NUP160: variants seen among roughly 807,000 people sequenced by gnomAD.
NUP160 encodes nuclear pore complex protein Nup160.
Under a neutral mutation model 196.9 loss-of-function variants are expected in NUP160, and 94 were observed. The ratio of observed to expected loss-of-function variants is 0.48; its 90% confidence interval spans 0.40 to 0.57. The LOEUF (loss-of-function observed/expected upper bound fraction) is 0.57. NUP160 is among the 20% of genes least tolerant of loss of function. The pLI, the probability that NUP160 is intolerant of heterozygous loss-of-function variation, is 0.00. For missense variants in NUP160, 1,638 were observed against 1,748.3 expected (o/e 0.94, Z 1.13); for synonymous variants, 605 against 619.7 (o/e 0.98, Z 0.35).
chr11:47,778,992 T>G, exon 36 of NUP160: 1 of 744,280 alleles, frequency 1.3e-6, no homozygotes, highest in Non-Finnish European at 2.4e-6. Context: ...GACTTGAATG[T>G]TGTACACATC....
chr11:47,798,595 T>C (rs2097672276), intron 23 of NUP160, 132 bp from the exon 24 acceptor site: 2 of 608,506 alleles, frequency 3.3e-6, no homozygotes, highest in Non-Finnish European at 5.9e-6. Flanking sequence ...CCCAGTACTC[T>C]GGGAGGCTGA....
At chr11:47,842,572 A>C (rs1263963321) in intron 2 of NUP160, among the ~76,000 whole-genome samples, 1 of 152,020 alleles carries the variant, frequency 6.6e-6, no homozygotes, top group Non-Finnish European at 1.5e-5. Flanking sequence ...CTGCTACCCG[A>C]ATCACTCAGC....
chr11:47,800,538 G>A lies in NUP160; in HGVS notation c.2895+1273C>T, dbSNP rs781245833. On this transcript the variant is annotated intron_variant, in intron 23 of 35. Transcript: ENST00000378460. ...CTCCTAAGTAGCTGGGATTACAGGC[G>A]CACACCACCACGCCCGGCTAATTTT... Among the ~76,000 whole-genome samples the A allele has an allele frequency of 3.3e-5, 5 of 151,818 alleles. No homozygotes were observed. In the South Asian group the frequency reaches 1.0e-3, roughly 32 times the overall value.
chr11:47,837,581 T>C, exon 5 of NUP160: 1 of 1,614,184 alleles, frequency 6.2e-7, no homozygotes, highest in Non-Finnish European at 8.5e-7. Flanking sequence ...AAGCAATCGT[T>C]GCATTACTGA....
chr11:47,782,365 T>G (rs2097661914), intron 34 of NUP160, among the ~76,000 whole-genome samples: 4 of 131,696 alleles, frequency 3.0e-5, no homozygotes, highest in East Asian at 2.3e-4. Context: ...TATGCGCCTA[T>G]ACCGATGTTC....
At chr11:47,833,628 C>A (rs573321071) in intron 7 of NUP160, among the ~76,000 whole-genome samples, 1 of 152,250 alleles carries the variant, frequency 6.6e-6, no homozygotes, top group South Asian at 2.1e-4. Flanking sequence ...TGAGTGATCA[C>A]CAATGATAAT....
At chr11:47,847,086 G>T (rs906155066) in intron 2 of NUP160, among the ~76,000 whole-genome samples, 1 of 152,074 alleles carries the variant, frequency 6.6e-6, no homozygotes, top group South Asian at 2.1e-4. Context: ...TACCTCTCCA[G>T]CCTCAGTATC....
intron 7 of NUP160, among the ~76,000 whole-genome samples, chr11:47,834,605 G>A (rs529612511): frequency 6.6e-6 from 1 of 152,132 alleles, no homozygotes; most frequent in South Asian, 2.1e-4. Flanking sequence ...CTGGCCAGAA[G>A]GTAAGGGTCG....
At chr11:47,785,103 T>TTTTTTTTTTTTTTTTGAGACTCCGTCTCA in intron 32 of NUP160, 40 bp from the exon 33 acceptor site, 1 of 1,086,548 alleles carries the variant, frequency 9.2e-7, no homozygotes, top group Non-Finnish European at 1.3e-6. Context: ...TTCAGATTCT[T>TTTTTTTTTTTTTTTTGAGACTCCGTCTCA]AATAGCTATT....
intron 32 of NUP160, 48 bp from the exon 33 acceptor site, chr11:47,785,111 AT>A: frequency 1.8e-6 from 1 of 570,934 alleles, no homozygotes; most frequent in Non-Finnish European, 2.6e-6. Context: ...CTTAATAGCT[AT>A]TTAGAGTACC....
intron 7 of NUP160, among the ~76,000 whole-genome samples, chr11:47,823,680 G>A (rs1159710868): frequency 6.6e-6 from 1 of 151,846 alleles, no homozygotes; most frequent in Admixed American, 6.6e-5. Context: ...GACTACAGGC[G>A]CCTGTCACCA....
chr11:47,843,598 T>C (rs529371018), intron 2 of NUP160, among the ~76,000 whole-genome samples: 48 of 152,200 alleles, frequency 3.2e-4, no homozygotes, highest in Non-Finnish European at 5.4e-4. Flanking sequence ...AAGCAATATC[T>C]AGAGATATTG....
chr11:47,782,652 A>T (rs866446253), intron 34 of NUP160, among the ~76,000 whole-genome samples: 3 of 151,256 alleles, frequency 2.0e-5, no homozygotes, highest in Non-Finnish European at 2.9e-5. Flanking sequence ...TTATTTATTT[A>T]TTATTTATTT....
At chr11:47,809,852 C>CA (rs1599323917) in intron 17 of NUP160, among the ~76,000 whole-genome samples, 2 of 146,440 alleles carry the variant, frequency 1.4e-5, no homozygotes, top group South Asian at 4.4e-4. Context: ...AACCAGATTA[C>CA]AAAAAATACT....
chr11:47,821,642 G>A, intron 9 of NUP160, 82 bp downstream of exon 9: 2 of 1,008,982 alleles, frequency 2.0e-6, no homozygotes, highest in Non-Finnish European at 3.1e-6. Context: ...TTACAGGCAT[G>A]AGACACGGCG....
At chr11:47,836,089 A>C (rs1422633928) in intron 6 of NUP160, among the ~76,000 whole-genome samples, 1 of 152,160 alleles carries the variant, frequency 6.6e-6, no homozygotes, top group Non-Finnish European at 1.5e-5. Context: ...TCTACTAAAA[A>C]ATACAAAAAT....
intron 12 of NUP160, 146 bp from the exon 13 acceptor site, chr11:47,815,795 G>T: frequency 1.1e-6 from 1 of 888,930 alleles, no homozygotes; most frequent in Non-Finnish European, 1.7e-6. Flanking sequence ...CTATGCAAAT[G>T]TGTATCTGAT....
At chr11:47,813,727 G>A (rs559805521) in intron 13 of NUP160, among the ~76,000 whole-genome samples, 4 of 152,094 alleles carry the variant, frequency 2.6e-5, no homozygotes, top group African/African-American at 9.6e-5. Context: ...TAGGGAGGCT[G>A]GGGTGGGAGG....
intron 23 of NUP160, 64 bp from the exon 24 acceptor site, chr11:47,798,527 T>C: frequency 1.1e-6 from 1 of 923,240 alleles, no homozygotes; most frequent in Non-Finnish European, 1.7e-6. Flanking sequence ...AACTCAATTA[T>C]GGTTTAAAAT....
Sources: gnomAD v4.1 joint callset for allele counts (sites outside exome capture counted in the v4.1 genomes callset) on GRCh38, gnomAD v4.1.1 for gene constraint, MANE v1.5 for transcripts, NCBI Gene and HGNC (gene_info 2026-07-23, HGNC 2026-07-21) for gene names.